Variants in KLHL25 observed in about 807,000 individuals in gnomAD.
KLHL25 encodes kelch like family member 25, also known as kelch-like protein 25.
Under a neutral mutation model 30.0 loss-of-function variants are expected in KLHL25, and 41 were observed. That is an observed-to-expected ratio of 1.37 (90% CI 1.07 to 1.78). KLHL25 has a LOEUF of 1.78. Ranked by LOEUF, KLHL25 falls within the 40% of genes most tolerant of loss-of-function variation. KLHL25 has a pLI of 0.00. For missense variants in KLHL25, 971 were observed against 824.5 expected (o/e 1.18, Z -2.18); for synonymous variants, 399 against 355.3 (o/e 1.12, Z -1.38).
At chr15:85,765,704 C>T (rs1026644874) in intron 2 of KLHL25, among the ~76,000 whole-genome samples, 3 of 148,458 alleles carry the variant, frequency 2.0e-5, no homozygotes, top group East Asian at 2.0e-4. Context: ...CGGTGGCACA[C>T]GTCTGTAATC....
rs373625257 is a variant in KLHL25, at chr15:85,768,693, G to T, written c.1118C>A (p.Pro373His). ...TVHEEWSKAA[P>H]MLIARFGHGS... ...ATGGCCAAAGCGGGCAATCAGCATGGGCGCCGCCTTGGACCATTCCTCATG... is the reference window on the plus strand; with the variant it reads ...ATGGCCAAAGCGGGCAATCAGCATGTGCGCCGCCTTGGACCATTCCTCATG... Residue 373 changes from proline to histidine, a missense_variant, in exon 2 of 3, where the codon CCC (proline) becomes CAC (histidine). By Grantham distance (77) the Pro-to-His change is moderately conservative (BLOSUM62 -2). Coordinates refer to ENST00000337975, the MANE Select transcript of KLHL25 (RefSeq NM_022480.4). 2 of 1,613,296 alleles carry T rather than the reference G, an allele frequency of 1.2e-6. No individual in the cohort carries two copies. Among genetic ancestry groups the T allele is most frequent in the South Asian group, 2.2e-5 (2 of 91,090 alleles).
At chr15:85,776,364 C>T (rs1470259330) in intron 1 of KLHL25, among the ~76,000 whole-genome samples, 5 of 151,922 alleles carry the variant, frequency 3.3e-5, no homozygotes, top group Non-Finnish European at 7.4e-5. Context: ...TGGCACGCAC[C>T]TGTAGTCCCA....
intron 1 of KLHL25, among the ~76,000 whole-genome samples, chr15:85,776,172 C>CAAAAA (rs60382493): frequency 7.9e-6 from 1 of 127,316 alleles, no homozygotes; most frequent in African/African-American, 3.0e-5. Flanking sequence ...GACTCTGTCT[C>CAAAAA]AAAAAAAAAA....
At position 85,760,499 on chromosome 15, in the gene KLHL25, C is replaced by G. The variant is rs1444602941; in HGVS notation, c.*537G>C. The G allele has an allele frequency of 6.6e-6, 1 of 152,194 alleles. No individual in the cohort carries two copies. The highest frequency in any genetic ancestry group is 1.5e-5 in the Non-Finnish European group (1 of 68,026). 9.4% of individuals were successfully genotyped at this position (152,194 alleles called of 1,614,324 possible). The stretch of plus-strand genomic sequence containing the variant: ...TGTCACTGAGGCCCCCCTGCAGTTT[C>G]TGCACCTTAAAAAATCTGTCTTGGT... On this transcript the variant is annotated 3_prime_UTR_variant, in exon 3 of 3. Transcript: ENST00000337975.
chr15:85,768,955 G>C lies in KLHL25; in HGVS notation c.856C>G (p.Pro286Ala), dbSNP rs1273249321. 4 of 1,613,226 alleles carry C rather than the reference G, an allele frequency of 2.5e-6. No homozygotes were observed. ...CCCGCCTTGCGTGGCCGGGCACAGG[G>C]GCTGGTGACCACGCCATCATTCTGC... is the stretch of plus-strand genomic sequence containing the variant. Reference protein sequence around the residue: ...ILQNDGVVTSPCARPRKAGHT... With the variant: ...ILQNDGVVTSACARPRKAGHT... The change falls in exon 2 of 3, where the codon CCC becomes GCC. Residue 286 changes from proline (P) to alanine (A), a missense_variant. Physicochemically the swap from Pro to Ala is conservative, Grantham distance 27 (BLOSUM62 -1). Coordinates refer to ENST00000337975, the MANE Select transcript of KLHL25 (RefSeq NM_022480.4).
rs187203857 is a variant in KLHL25, at chr15:85,775,002, G to C, written c.-10-5182C>G. Among the ~76,000 whole-genome samples, 116 of 151,026 alleles carry C rather than the reference G, an allele frequency of 7.7e-4. No individual in the cohort carries two copies. The Middle Eastern group carries it at 0.021, about 27-fold the overall frequency. ...AGCAATTCTCCTGCCTCAGCCTCCCGAGTAGCTGGGATTACAGGCGCCCGC... is the reference window on the plus strand; with the variant it reads ...AGCAATTCTCCTGCCTCAGCCTCCCCAGTAGCTGGGATTACAGGCGCCCGC... On this transcript the variant is annotated intron_variant, in intron 1 of 2. Transcript: ENST00000337975.
intron 1 of KLHL25, among the ~76,000 whole-genome samples, chr15:85,779,973 C>T (rs1000274426): frequency 1.3e-5 from 2 of 152,190 alleles, no homozygotes; most frequent in Non-Finnish European, 2.9e-5. Flanking sequence ...TCATACCGTC[C>T]TAAAAGTTCT....
intron 1 of KLHL25, among the ~76,000 whole-genome samples, chr15:85,775,168 C>T (rs548367239): frequency 1.9e-4 from 29 of 152,322 alleles, no homozygotes; most frequent in Admixed American, 1.4e-3. Context: ...TGAGCCACTG[C>T]GCCCGGCCAG....
intron 2 of KLHL25, chr15:85,763,318 G>A (rs1047210445): frequency 2.6e-5 from 4 of 152,226 alleles, no homozygotes; most frequent in African/African-American, 9.7e-5. Context: ...TCTGTGCCAG[G>A]GGCGCAGACG....
intron 1 of KLHL25, among the ~76,000 whole-genome samples, chr15:85,787,753 T>C (rs113894170): frequency 3.9e-5 from 6 of 152,246 alleles, no homozygotes; most frequent in Non-Finnish European, 5.9e-5. Flanking sequence ...GTATAAGTTG[T>C]AGAGTATTGA....
Position 85,768,193 on chromosome 15 carries a change from G to C in KLHL25, c.1618C>G (p.Leu540Val), listed in dbSNP as rs1409252251. The C allele has an allele frequency of 6.2e-7, 1 of 1,614,206 alleles. No individual in the cohort carries two copies. The highest frequency in any genetic ancestry group is 8.5e-7 in the Non-Finnish European group (1 of 1,180,046). ...CCAAAGTAGCCCCCGACCACATAGAGCTTGTTGCCGGAAGCCAGGGCATGG... is the reference window on the plus strand; with the variant it reads ...CCAAAGTAGCCCCCGACCACATAGACCTTGTTGCCGGAAGCCAGGGCATGG... ...SCHALASGNK[L>V]YVVGGYFGTQ... is the part of the protein sequence containing the mutation. Residue 540 changes from leucine (L) to valine (V), a missense_variant, in exon 2 of 3, where the codon CTC becomes GTC. Physicochemically the swap from Leu to Val is conservative, Grantham distance 32. Coordinates refer to ENST00000337975, the MANE Select transcript of KLHL25 (RefSeq NM_022480.4).
intron 2 of KLHL25, chr15:85,761,246 G>A (rs1184714403): frequency 6.6e-6 from 1 of 152,218 alleles, no homozygotes; most frequent in Non-Finnish European, 1.5e-5. Context: ...ATACCCAGAC[G>A]CCCGGGGACA....
chr15:85,784,596 C>A (rs1208568569), intron 1 of KLHL25, among the ~76,000 whole-genome samples: 1 of 151,660 alleles, frequency 6.6e-6, no homozygotes, highest in African/African-American at 2.4e-5. Context: ...GTAAAAGAGT[C>A]GGAGATTCAA....
chr15:85,759,699 C>T lies in KLHL25; in HGVS notation c.*1337G>A, dbSNP rs1050221966. On this transcript the variant is annotated 3_prime_UTR_variant, in exon 3 of 3. Transcript: ENST00000337975. ...CCCGCACCAAGGCATGGGGGACACTCGTGGCTGCTTAAGTAACTGGTATGT... is the reference window on the plus strand; with the variant it reads ...CCCGCACCAAGGCATGGGGGACACTTGTGGCTGCTTAAGTAACTGGTATGT... 6.6e-6 allele frequency: 1 copy of T among 152,292 alleles called. No homozygotes were observed. Among genetic ancestry groups the T allele is most frequent in the Non-Finnish European group, 1.5e-5 (1 of 68,096 alleles). The allele number at this position is 152,292 out of a possible 1,614,324, so 9.4% of individuals were successfully genotyped here.
chr15:85,774,707 T>C (rs532158986), intron 1 of KLHL25, among the ~76,000 whole-genome samples: 33 of 152,036 alleles, frequency 2.2e-4, no homozygotes, highest in Non-Finnish European at 3.8e-4. Flanking sequence ...AGCTCCATCA[T>C]TCTTCACTAC....
intron 1 of KLHL25, among the ~76,000 whole-genome samples, chr15:85,772,637 CTT>C (rs2151808616): frequency 6.6e-6 from 1 of 152,316 alleles, no homozygotes; most frequent in South Asian, 2.1e-4. Context: ...CAGAGACTCC[CTT>C]TGGAGGGGGT....
At position 85,768,269 on chromosome 15, in the gene KLHL25, C is replaced by T; in HGVS notation, c.1542G>A (p.Glu514=). 6.2e-7 allele frequency: 1 copy of T among 1,614,156 alleles called. No individual in the cohort carries two copies. Among genetic ancestry groups the T allele is most frequent in the Non-Finnish European group, 8.5e-7 (1 of 1,180,028 alleles). ...CCCCAATCCGCGTCCACTGGTTGGT[C>T]TCACAGTCAAAGCGGTAGGCCGAGG... The part of the protein sequence containing the change: ...TAASAYRFDC[E]TNQWTRIGDM... Residue 514 remains glutamate, a synonymous_variant, in exon 2 of 3, where the codon GAG becomes GAA. Coordinates refer to ENST00000337975, the MANE Select transcript of KLHL25 (RefSeq NM_022480.4).
intron 1 of KLHL25, among the ~76,000 whole-genome samples, chr15:85,792,683 T>A (rs1478862719): frequency 6.6e-6 from 1 of 152,316 alleles, no homozygotes; most frequent in African/African-American, 2.4e-5. Flanking sequence ...AACCTGTGCC[T>A]ATCTTGAGGC....
At chr15:85,779,087 A>G (rs1241110183) in intron 1 of KLHL25, among the ~76,000 whole-genome samples, 1 of 151,608 alleles carries the variant, frequency 6.6e-6, no homozygotes, top group Non-Finnish European at 1.5e-5. Context: ...TCTTGCTAAG[A>G]AGAGAAGCCA....
Sources: allele counts gnomAD v4.1 joint callset (sites outside exome capture counted in the v4.1 genomes callset), GRCh38; gene constraint gnomAD v4.1.1; transcripts MANE v1.5; gene names NCBI Gene and HGNC (gene_info 2026-07-23, HGNC 2026-07-21).